Variants in NTRK2 observed in about 807,000 individuals in gnomAD.
The protein encoded by NTRK2 is BDNF/NT-3 growth factors receptor.
Under a neutral mutation model 94.5 loss-of-function variants are expected in NTRK2, and 13 were observed. The observed-to-expected ratio is 0.14, with a 90% CI of 0.09 to 0.22. NTRK2 has a LOEUF of 0.22. NTRK2 is among the 10% of genes least tolerant of loss of function. The pLI, the probability that NTRK2 is intolerant of heterozygous loss-of-function variation, is 1.00. For synonymous variants in NTRK2, 372 were observed against 407.4 expected, an observed-to-expected ratio of 0.91 and a Z score of 1.05; for missense variants, 639 against 1,071.2, an observed-to-expected ratio of 0.60 and a Z score of 5.63.
intron 14 of NTRK2, among the ~76,000 whole-genome samples, chr9:84,894,427 C>G (rs978337711): frequency 7.9e-5 from 12 of 152,186 alleles, no homozygotes; most frequent in African/African-American, 2.7e-4. Flanking sequence ...TGACTTCTTG[C>G]AGTCCAGCTA....
rs2063775468 is a variant in NTRK2, at chr9:84,742,923, C to T, written c.1195+996C>T. 2.0e-5 allele frequency among the ~76,000 whole-genome samples: 3 copies of T among 150,774 alleles called. No individual in the cohort carries two copies. The Admixed American group carries it at 2.0e-4, about 10-fold the overall frequency. ...TCAAGCGATTCTCCTGCCTCAGCCT[C>T]CTGAGTAGCTGGGATTACAAGCACG... On this transcript the variant is annotated intron_variant, in intron 10 of 18. Transcript: ENST00000277120.
At chr9:84,877,753 A>C in intron 14 of NTRK2, 1 of 1,056,648 alleles carries the variant, frequency 9.5e-7, no homozygotes. Flanking sequence ...GGGCTTGCCC[A>C]CGTGTATGTA....
At chr9:84,746,913 C>T (rs2132413094) in intron 11 of NTRK2, among the ~76,000 whole-genome samples, 1 of 152,270 alleles carries the variant, frequency 6.6e-6, no homozygotes, top group South Asian at 2.1e-4. Context: ...TTTAGTAAGA[C>T]TCTTAGTAGG....
chr9:84,814,814 A>G (rs2072212117), intron 12 of NTRK2: 1 of 1,064,158 alleles, frequency 9.4e-7, no homozygotes, highest in Non-Finnish European at 1.1e-6. Context: ...GGGCAGGGCC[A>G]GTCACATCTA....
chr9:84,942,600 A>G (rs907802343), intron 15 of NTRK2, among the ~76,000 whole-genome samples: 1 of 152,188 alleles, frequency 6.6e-6, no homozygotes, highest in Non-Finnish European at 1.5e-5. Context: ...GTAATTTTGA[A>G]CTTCTTAGTA....
chr9:84,868,225 CA>C (rs1311994290), intron 14 of NTRK2, among the ~76,000 whole-genome samples: 4 of 152,156 alleles, frequency 2.6e-5, no homozygotes, highest in Non-Finnish European at 2.9e-5. Flanking sequence ...TGTCAGATCC[CA>C]GAGATTCCCT....
At chr9:84,692,021 C>G (rs1319840611) in intron 2 of NTRK2, among the ~76,000 whole-genome samples, 1 of 152,162 alleles carries the variant, frequency 6.6e-6, no homozygotes, top group Non-Finnish European at 1.5e-5. Flanking sequence ...GCTTAAACGT[C>G]AACTTTTAAG....
intron 17 of NTRK2, among the ~76,000 whole-genome samples, chr9:84,998,507 G>A (rs191127761): frequency 3.9e-5 from 6 of 152,240 alleles, no homozygotes; most frequent in Admixed American, 3.9e-4. Flanking sequence ...TAGACACCTT[G>A]TCCTTAGGCG....
intron 14 of NTRK2, chr9:84,876,545 A>G (rs1037285813): frequency 2.0e-5 from 21 of 1,055,994 alleles, no homozygotes; most frequent in Non-Finnish European, 2.3e-5. Context: ...CTTACCTTCT[A>G]TTAATAGAGT....
intron 2 of NTRK2, among the ~76,000 whole-genome samples, chr9:84,672,711 T>A (rs951099745): frequency 6.6e-6 from 1 of 152,146 alleles, no homozygotes; most frequent in African/African-American, 2.4e-5. Flanking sequence ...TTTAAGGCCA[T>A]GATCTGAGAA....
At chr9:85,020,833 G>A (rs1338228447) in intron 18 of NTRK2, among the ~76,000 whole-genome samples, 2 of 152,138 alleles carry the variant, frequency 1.3e-5, no homozygotes, top group African/African-American at 4.8e-5. Context: ...ATCTTGATCA[G>A]GCACCGTACA....
chr9:84,886,903 T>C (rs1036407328), intron 14 of NTRK2, among the ~76,000 whole-genome samples: 1 of 152,214 alleles, frequency 6.6e-6, no homozygotes, highest in Admixed American at 6.5e-5. Flanking sequence ...TTGAAATCTC[T>C]GTATGAAAGG....
chr9:84,872,224 T>C (rs1438099905), intron 14 of NTRK2: 4 of 1,137,124 alleles, frequency 3.5e-6, no homozygotes, highest in Non-Finnish European at 3.3e-6. Context: ...AGGGCAGCTG[T>C]GTTGCTTTCC....
intron 12 of NTRK2, among the ~76,000 whole-genome samples, chr9:84,758,173 CT>C (rs1439026528): frequency 2.7e-5 from 4 of 150,800 alleles, no homozygotes; most frequent in Admixed American, 2.0e-4. Flanking sequence ...CTCATATTTT[CT>C]TCTAGTCTTT....
intron 15 of NTRK2, among the ~76,000 whole-genome samples, chr9:84,945,545 T>C (rs1435827066): frequency 6.6e-6 from 1 of 152,158 alleles, no homozygotes; most frequent in African/African-American, 2.4e-5. Flanking sequence ...ATTTTTCTAC[T>C]GTGAAGTTCA....
intron 12 of NTRK2, among the ~76,000 whole-genome samples, chr9:84,846,419 T>A (rs977366386): frequency 2.0e-5 from 3 of 152,244 alleles, no homozygotes; most frequent in African/African-American, 7.2e-5. Flanking sequence ...AGCTGGACAC[T>A]ATTTTTTCCT....
intron 17 of NTRK2, among the ~76,000 whole-genome samples, chr9:84,964,158 C>A (rs1424329232): frequency 6.6e-6 from 1 of 152,126 alleles, no homozygotes; most frequent in African/African-American, 2.4e-5. Context: ...TGAATTTCAC[C>A]TTGTTGGATG....
At chr9:84,943,058 T>C (rs2078467208) in intron 15 of NTRK2, among the ~76,000 whole-genome samples, 1 of 152,222 alleles carries the variant, frequency 6.6e-6, no homozygotes, top group Non-Finnish European at 1.5e-5. Flanking sequence ...TAGTGAGGTC[T>C]TACCATAATA....
At chr9:84,684,986 TA>T (rs2059620377) in intron 2 of NTRK2, among the ~76,000 whole-genome samples, 1 of 152,018 alleles carries the variant, frequency 6.6e-6, no homozygotes, top group South Asian at 2.1e-4. Context: ...TAGTAAAGCT[TA>T]TTTTTTTTTT....
Sources: gnomAD v4.1 joint callset for allele counts (sites outside exome capture counted in the v4.1 genomes callset) on GRCh38, gnomAD v4.1.1 for gene constraint, MANE v1.5 for transcripts, NCBI Gene and HGNC (gene_info 2026-07-23, HGNC 2026-07-21) for gene names.